The following NOL4 variants were observed in gnomAD, a reference collection of about 807,000 sequenced individuals.
The protein encoded by NOL4 is nucleolar protein 4.
In NOL4, 17 loss-of-function variants were observed where a neutral mutation model predicts 75.9. The ratio of observed to expected loss-of-function variants is 0.22; its 90% confidence interval spans 0.15 to 0.34. The LOEUF (loss-of-function observed/expected upper bound fraction) is 0.34, where lower values mean the gene tolerates loss of function less well. Ranked by LOEUF, NOL4 falls within the 10% of genes least tolerant of loss-of-function variation. The probability of loss-of-function intolerance (pLI) is 1.00; values close to 1 mark genes in which losing one functional copy is unlikely to be tolerated. For synonymous variants in NOL4, 292 were observed against 289.9 expected, an observed-to-expected ratio of 1.01 and a Z score of -0.07; for missense variants, 614 against 793.5, an observed-to-expected ratio of 0.77 and a Z score of 2.72.
intron 5 of NOL4, among the ~76,000 whole-genome samples, chr18:34,077,721 A>G (rs74641960): frequency 0.059 from 8,947 of 152,238 alleles, 394 homozygotes; most frequent in Non-Finnish European, 0.086. Context: ...GAAATAATTA[A>G]TTTAAAATAT....
At chr18:34,149,242 G>A (rs1360690307) in intron 1 of NOL4, among the ~76,000 whole-genome samples, 1 of 151,506 alleles carries the variant, frequency 6.6e-6, no homozygotes, top group Admixed American at 6.6e-5. Flanking sequence ...TTAAAAATAG[G>A]TCAAAATATT....
At chr18:34,124,717 C>G (rs1238662039) in intron 2 of NOL4, among the ~76,000 whole-genome samples, 1 of 152,010 alleles carries the variant, frequency 6.6e-6, no homozygotes, top group Non-Finnish European at 1.5e-5. Context: ...CCAGCCTGAC[C>G]AACATGGTGA....
intron 1 of NOL4, among the ~76,000 whole-genome samples, chr18:34,174,985 C>A (rs1383473267): frequency 6.6e-6 from 1 of 152,112 alleles, no homozygotes; most frequent in South Asian, 2.1e-4. Flanking sequence ...GTGGCAACTC[C>A]TCAAGGATCT....
chr18:34,088,699 ATTCTT>A (rs2078362203), intron 5 of NOL4, among the ~76,000 whole-genome samples: 1 of 152,138 alleles, frequency 6.6e-6, no homozygotes, highest in African/African-American at 2.4e-5. Flanking sequence ...ACTTAAAAAC[ATTCTT>A]TTAAGTCTGT....
chr18:34,135,521 C>T (rs984536481), intron 1 of NOL4, among the ~76,000 whole-genome samples: 3 of 151,564 alleles, frequency 2.0e-5, no homozygotes, highest in Admixed American at 2.0e-4. Context: ...TACAGTGAAA[C>T]CCTGTCTCTA....
At chr18:33,893,555 T>C (rs536017504) in intron 9 of NOL4, among the ~76,000 whole-genome samples, 1 of 152,314 alleles carries the variant, frequency 6.6e-6, no homozygotes, top group African/African-American at 2.4e-5. Flanking sequence ...AAATTGCATA[T>C]AAAATGTTTC....
At position 33,901,765 on chromosome 18, in the gene NOL4, A is replaced by G. The variant is rs190638225; in HGVS notation, c.1543-18341T>C. 7.3e-4 allele frequency among the ~76,000 whole-genome samples: 111 copies of G among 152,226 alleles called. 1 individual carries two copies. The East Asian group carries it at 0.02, about 27-fold the overall frequency. ...AATTCTCTATATAAAGTGTCAAGGT[A>G]AGATGTGGGCTTTGATGAGAGAATA... On this transcript the variant is annotated intron_variant, in intron 9 of 10. Transcript: ENST00000261592.
chr18:34,012,764 C>T (rs931716156), intron 6 of NOL4, among the ~76,000 whole-genome samples: 1 of 151,924 alleles, frequency 6.6e-6, no homozygotes, highest in African/African-American at 2.4e-5. Flanking sequence ...AAAAGCAAAA[C>T]TAATATTTCA....
intron 9 of NOL4, among the ~76,000 whole-genome samples, chr18:33,942,860 C>T (rs2068588477): frequency 1.3e-5 from 2 of 151,876 alleles, no homozygotes; most frequent in African/African-American, 4.8e-5. Context: ...TGTTCATTTT[C>T]GCCACAGAAA....
At chr18:34,098,181 C>G (rs930260362) in intron 4 of NOL4, among the ~76,000 whole-genome samples, 2 of 152,056 alleles carry the variant, frequency 1.3e-5, no homozygotes, top group African/African-American at 2.4e-5. Context: ...CTCTCTCCTC[C>G]CCTTGAAACT....
intron 9 of NOL4, among the ~76,000 whole-genome samples, chr18:33,938,037 G>A (rs748865029): frequency 6.6e-6 from 1 of 152,048 alleles, no homozygotes; most frequent in Non-Finnish European, 1.5e-5. Context: ...TTTGTTCTAG[G>A]CTATGGGTTT....
chr18:33,992,888 A>G (rs2073023867), intron 6 of NOL4, among the ~76,000 whole-genome samples: 1 of 152,066 alleles, frequency 6.6e-6, no homozygotes, highest in South Asian at 2.1e-4. Context: ...GAAGGAGACC[A>G]TAATGTAGCA....
intron 6 of NOL4, among the ~76,000 whole-genome samples, chr18:33,993,493 TAGG>T (rs2073065884): frequency 6.6e-6 from 1 of 151,842 alleles, no homozygotes. Context: ...TGTTGGGGGT[TAGG>T]AGGTGGGAAA....
At chr18:34,069,296 A>G (rs2077411028) in intron 5 of NOL4, among the ~76,000 whole-genome samples, 1 of 152,214 alleles carries the variant, frequency 6.6e-6, no homozygotes, top group Non-Finnish European at 1.5e-5. Flanking sequence ...ATGGGTAAAG[A>G]ATGAATAAGT....
At chr18:34,086,916 G>C (rs2078270893) in intron 5 of NOL4, among the ~76,000 whole-genome samples, 1 of 152,076 alleles carries the variant, frequency 6.6e-6, no homozygotes, top group African/African-American at 2.4e-5. Context: ...AGAGCTAATT[G>C]AAACACATAC....
chr18:34,194,739 C>T (rs574029838), intron 1 of NOL4, among the ~76,000 whole-genome samples: 1 of 152,016 alleles, frequency 6.6e-6, no homozygotes, highest in South Asian at 2.1e-4. Context: ...AAACTACCTA[C>T]CTAGGCTGGG....
intron 10 of NOL4, among the ~76,000 whole-genome samples, chr18:33,872,315 G>A (rs1441660410): frequency 6.6e-6 from 1 of 151,906 alleles, no homozygotes; most frequent in Non-Finnish European, 1.5e-5. Context: ...GGTTTTCAAT[G>A]CCTACATTAT....
chr18:34,092,938 A>G (rs78152705), intron 5 of NOL4, among the ~76,000 whole-genome samples: 5,174 of 152,282 alleles, frequency 0.034, 91 homozygotes, highest in Middle Eastern at 0.048. Flanking sequence ...GAGATCATGA[A>G]CTTTCTTTCC....
chr18:34,215,789 A>G (rs942067286), intron 1 of NOL4, among the ~76,000 whole-genome samples: 84 of 152,090 alleles, frequency 5.5e-4, no homozygotes, highest in African/African-American at 1.7e-3. Context: ...GCCCCTGAAA[A>G]CCTGCATATA....
Sources: gnomAD v4.1 joint callset for allele counts (sites outside exome capture counted in the v4.1 genomes callset) on GRCh38, gnomAD v4.1.1 for gene constraint, MANE v1.5 for transcripts, NCBI Gene and HGNC (gene_info 2026-07-23, HGNC 2026-07-21) for gene names.